Variants in PCDHGB5 observed in about 807,000 individuals in gnomAD.
PCDHGB5 encodes protocadherin gamma-B5.
Under a neutral mutation model 62.9 loss-of-function variants are expected in PCDHGB5, and 48 were observed. The observed-to-expected ratio is 0.76, with a 90% CI of 0.61 to 0.97. The LOEUF is 0.97. PCDHGB5 is among the 50% of genes least tolerant of loss of function. The pLI, the probability that PCDHGB5 is intolerant of heterozygous loss-of-function variation, is 0.00. For missense variants in PCDHGB5, 1,118 were observed against 1,198.6 expected (o/e 0.93, Z 0.99); for synonymous variants, 474 against 511.2 (o/e 0.93, Z 0.98).
Position 141,477,310 on chromosome 5 carries a change from C to T in PCDHGB5, c.2398-17497C>T. On this transcript the variant is annotated intron_variant, in intron 1 of 3. Coordinates refer to ENST00000617380, the MANE Select transcript of PCDHGB5 (RefSeq NM_018925.3). This position sits in a 1 kb window ranked among gnomAD's most constrained non-coding sequence, Gnocchi z 4.9. ...AAGTTCCACCGGGTCTCCCTTTCAGCCTTACTTCTTCCCTCAAGAATTACT... is the reference window on the plus strand; with the variant it reads ...AAGTTCCACCGGGTCTCCCTTTCAGTCTTACTTCTTCCCTCAAGAATTACT... The T allele has an allele frequency of 6.2e-7, 1 of 1,614,154 alleles. No homozygotes were observed. Among genetic ancestry groups the T allele is most frequent in the Non-Finnish European group, 8.5e-7 (1 of 1,180,018 alleles).
intron 1 of PCDHGB5, chr5:141,424,126 G>C: frequency 9.3e-6 from 5 of 538,222 alleles, no homozygotes; most frequent in Non-Finnish European, 1.2e-5. Flanking sequence ...TGATCCTGTT[G>C]ATTTAATAGC....
rs768990626 is a variant in PCDHGB5, at chr5:141,427,590, C to T, written c.2397+27066C>T. On this transcript the variant is annotated intron_variant, in intron 1 of 3. Coordinates refer to ENST00000617380, the MANE Select transcript of PCDHGB5 (RefSeq NM_018925.3). ...GCCTCCGCTCTCATCCAGCACAAGCCTCACCCTACGCATTGGTGAAGTCAA... is the reference window on the plus strand; with the variant it reads ...GCCTCCGCTCTCATCCAGCACAAGCTTCACCCTACGCATTGGTGAAGTCAA... 44 of 678,892 alleles carry T rather than the reference C, an allele frequency of 6.5e-5. No individual in the cohort carries two copies. In the Admixed American group the frequency reaches 8.5e-4, roughly 13 times the overall value. The allele number at this position is 678,892 out of a possible 1,614,324, so 42.1% of individuals were successfully genotyped here.
intron 3 of PCDHGB5, among the ~76,000 whole-genome samples, chr5:141,506,700 G>GT (rs1446452157): frequency 2.0e-5 from 3 of 152,138 alleles, no homozygotes; most frequent in Admixed American, 1.3e-4. Context: ...ACCCAAACCC[G>GT]TTTTTTACTG....
chr5:141,442,131 A>T, intron 1 of PCDHGB5: 1 of 165,118 alleles, frequency 6.1e-6, no homozygotes, highest in Non-Finnish European at 1.3e-5. Context: ...GACAGCCTGC[A>T]GGAGACTCTG....
chr5:141,466,989 G>C, intron 1 of PCDHGB5, among the ~76,000 whole-genome samples: 1 of 150,922 alleles, frequency 6.6e-6, no homozygotes. Context: ...TTTACCTTTT[G>C]GCATTTTTTT....
rs149920059 is a variant in PCDHGB5 at position 141,409,848 on chromosome 5, G to A, written c.2397+9324G>A. 8,006 of 1,612,024 alleles carry A rather than the reference G, an allele frequency of 5.0e-3. 45 individuals are homozygous for A. The highest frequency in any genetic ancestry group is 9.5e-3 in the Admixed American group (567 of 59,794). On this transcript the variant is annotated intron_variant, in intron 1 of 3. Transcript: ENST00000617380. ...ACGCTCAGCGCCAACGTGAGCCTGC[G>A]CGTGTTGGTGGGAGACCGCAATGAC... is the stretch of plus-strand genomic sequence containing the variant.
intron 1 of PCDHGB5, chr5:141,412,074 A>G (rs751287485): frequency 2.0e-5 from 3 of 152,184 alleles, no homozygotes; most frequent in Non-Finnish European, 4.4e-5. Context: ...TGAGGGAACA[A>G]TTGCTACTGG....
At chr5:141,452,193 GT>G (rs1375451557) in intron 1 of PCDHGB5, among the ~76,000 whole-genome samples, 1 of 151,990 alleles carries the variant, frequency 6.6e-6, no homozygotes, top group Non-Finnish European at 1.5e-5. Context: ...ACCTCAAATT[GT>G]TTTAGATGTT....
At chr5:141,482,790 G>A (rs2099572686) in intron 1 of PCDHGB5, among the ~76,000 whole-genome samples, 1 of 128,870 alleles carries the variant, frequency 7.8e-6, no homozygotes, top group African/African-American at 3.5e-5. Context: ...CTGTGTGTGT[G>A]GCCGGGTACG....
chr5:141,410,689 C>T, intron 1 of PCDHGB5: 2 of 1,514,926 alleles, frequency 1.3e-6, no homozygotes, highest in Non-Finnish European at 1.8e-6. Flanking sequence ...AGGCATACTA[C>T]TTTATTTTCA....
At chr5:141,413,570 A>C in intron 1 of PCDHGB5, 1 of 1,613,930 alleles carries the variant, frequency 6.2e-7, no homozygotes. Context: ...GATATCAATG[A>C]CAATGCTCCA....
At position 141,487,051 on chromosome 5, in the gene PCDHGB5, G is replaced by A. The variant is rs1348441475; in HGVS notation, c.2398-7756G>A. The A allele has an allele frequency of 3.7e-6, 6 of 1,614,024 alleles. No individual in the cohort carries two copies. The highest frequency in any genetic ancestry group is 5.1e-6 in the Non-Finnish European group (6 of 1,180,024). On this transcript the variant is annotated intron_variant, in intron 1 of 3. Coordinates refer to ENST00000617380, the MANE Select transcript of PCDHGB5 (RefSeq NM_018925.3). This position sits in a 1 kb window ranked among gnomAD's most constrained non-coding sequence, Gnocchi z 5.0. ...TGTTTGCAGTCTCTCGATATGCTGG[G>A]GAGGTGCGGACGGCTGTTCCTATCC... is the stretch of plus-strand genomic sequence containing the variant.
intron 1 of PCDHGB5, chr5:141,441,971 G>A: frequency 3.3e-6 from 1 of 298,820 alleles, no homozygotes; most frequent in Non-Finnish European, 6.5e-6. Flanking sequence ...AGGCTCTTCA[G>A]CCTGGAATGC....
At chr5:141,502,019 G>A (rs1454981730) in intron 2 of PCDHGB5, among the ~76,000 whole-genome samples, 1 of 152,008 alleles carries the variant, frequency 6.6e-6, no homozygotes, top group African/African-American at 2.4e-5. Flanking sequence ...TCTCCTCCCT[G>A]CAACCCCCGC....
chr5:141,403,434 A>G, intron 1 of PCDHGB5: 1 of 1,614,024 alleles, frequency 6.2e-7, no homozygotes, highest in Non-Finnish European at 8.5e-7. Flanking sequence ...ATTGATCCGG[A>G]TGTTGGCGTG....
At position 141,477,386 on chromosome 5, in the gene PCDHGB5, A is replaced by C; in HGVS notation, c.2398-17421A>C. 1 of 1,614,116 alleles carries C rather than the reference A, an allele frequency of 6.2e-7. No homozygotes were observed. Among genetic ancestry groups the C allele is most frequent in the South Asian group, 1.1e-5 (1 of 91,080 alleles). On this transcript the variant is annotated intron_variant, in intron 1 of 3. Coordinates refer to ENST00000617380, the MANE Select transcript of PCDHGB5 (RefSeq NM_018925.3). The surrounding 1 kb of genome is among the most constrained non-coding windows in gnomAD (Gnocchi z 4.9). ...GGATCGGGAGACTGTGCCAGAATAC[A>C]ACCTCAGCATCACCGCCCGAGACGC...
rs936750924 is a variant in PCDHGB5, at chr5:141,418,950, T to A, written c.2397+18426T>A. On this transcript the variant is annotated intron_variant, in intron 1 of 3. Transcript: ENST00000617380. ...ATTATGGAGGATTCCCCTCCAGGAG[T>A]GGTTGTTGCCCTCTTCAAAACACGG... 23 of 1,613,742 alleles carry A rather than the reference T, an allele frequency of 1.4e-5. No individual in the cohort carries two copies. Among genetic ancestry groups the A allele is most frequent in the Non-Finnish European group, 1.9e-5 (23 of 1,179,860 alleles).
chr5:141,490,736 A>G lies in PCDHGB5; in HGVS notation c.2398-4071A>G, dbSNP rs747567176. The G allele has an allele frequency of 5.0e-6, 8 of 1,614,084 alleles. No individual in the cohort carries two copies. Among genetic ancestry groups the G allele is most frequent in the Non-Finnish European group, 6.8e-6 (8 of 1,180,034 alleles). On this transcript the variant is annotated intron_variant, in intron 1 of 3. Transcript: ENST00000617380. This position sits in a 1 kb window ranked among gnomAD's most constrained non-coding sequence, Gnocchi z 5.4. The stretch of plus-strand genomic sequence containing the variant: ...TACTCCATTGTAGGAAATCAGGTTC[A>G]GGGAGCCCCAGCCTCCTCCTTTGTG...
Position 141,399,291 on chromosome 5 carries a change from T to A in PCDHGB5, c.1164T>A (p.Phe388Leu). The A allele has an allele frequency of 6.2e-7, 1 of 1,613,954 alleles. No individual in the cohort carries two copies. Among genetic ancestry groups the A allele is most frequent in the East Asian group, 2.2e-5 (1 of 44,886 alleles). The change falls in exon 1 of 4, where the codon TTT (phenylalanine) becomes TTA (leucine). Residue 388 changes from phenylalanine (F) to leucine (L), a missense_variant. Phe to Leu is a conservative substitution (Grantham distance 22, BLOSUM62 0). Around this residue, in one of 2 missense-constraint regions of PCDHGB5, gnomAD observed 1,034 missense variants for 1,029.1 expected, o/e 1.00. Coordinates refer to ENST00000617380, the MANE Select transcript of PCDHGB5 (RefSeq NM_018925.3). ...GTCAATTACAAGGCGAAGTCCCTTTTAAGATTATCTCTTCATCCAAAAATT... is the reference window on the plus strand; with the variant it reads ...GTCAATTACAAGGCGAAGTCCCTTTAAAGATTATCTCTTCATCCAAAAATT... ...VNCQLQGEVP[F>L]KIISSSKNSY...
Sources: gnomAD v4.1 joint callset for allele counts (sites outside exome capture counted in the v4.1 genomes callset) on GRCh38, gnomAD v4.1.1 for gene constraint, gnomAD v4.1.1 regional missense constraint, Gnocchi (gnomAD v3.1) non-coding constraint, MANE v1.5 for transcripts, NCBI Gene and HGNC (gene_info 2026-07-23, HGNC 2026-07-21) for gene names.